Variants in RFX4 observed in about 807,000 individuals in gnomAD.
RFX4 encodes the protein transcription factor RFX4.
RFX4 carries 10 observed loss-of-function variants against 95.0 expected under a neutral mutation model. The observed-to-expected ratio is 0.11, with a 90% confidence interval of 0.06 to 0.18. The LOEUF is 0.18. Ranked by LOEUF, RFX4 falls within the 10% of genes least tolerant of loss-of-function variation. The pLI is 1.00. For missense variants in RFX4, 640 were observed against 922.0 expected (o/e 0.69, Z 3.96); for synonymous variants, 321 against 340.7 (o/e 0.94, Z 0.64).
intron 2 of RFX4, among the ~76,000 whole-genome samples, chr12:106,622,080 A>G (rs1301811788): frequency 2.0e-5 from 3 of 152,220 alleles, no homozygotes; most frequent in African/African-American, 7.2e-5. Context: ...GACCTAGAGA[A>G]GTGAAGTGGC....
chr12:106,664,976 T>C (rs555429033), intron 4 of RFX4, among the ~76,000 whole-genome samples: 61 of 152,012 alleles, frequency 4.0e-4, no homozygotes, highest in African/African-American at 1.3e-3. Flanking sequence ...TGAGAATATA[T>C]ATTCTGCTAT....
intron 15 of RFX4, 96 bp downstream of exon 15, chr12:106,733,181 A>C (rs1034066139): frequency 1.5e-6 from 2 of 1,364,132 alleles, no homozygotes; most frequent in African/African-American, 2.9e-5. Context: ...ATTTCCACAC[A>C]CACAAAAAGC....
At chr12:106,743,178 GA>G (rs2042835996) in intron 15 of RFX4, among the ~76,000 whole-genome samples, 1 of 152,174 alleles carries the variant, frequency 6.6e-6, no homozygotes, top group Admixed American at 6.5e-5. Context: ...GAAATGTGAG[GA>G]GGGGAGGGGG....
At chr12:106,756,267 C>G (rs2043106457) in intron 17 of RFX4, among the ~76,000 whole-genome samples, 1 of 152,202 alleles carries the variant, frequency 6.6e-6, no homozygotes, top group South Asian at 2.1e-4. Context: ...ATAAACCAGA[C>G]CAAGTACATA....
At chr12:106,686,154 T>C (rs374929502) in intron 5 of RFX4, among the ~76,000 whole-genome samples, 24 of 152,188 alleles carry the variant, frequency 1.6e-4, no homozygotes, top group African/African-American at 5.8e-4. Flanking sequence ...GGCTCATGCC[T>C]GTAATCCCAG....
At position 106,640,281 on chromosome 12, in the gene RFX4, CTT is replaced by C. The variant is rs1352390662; in HGVS notation, c.191+891_191+892del. Among the ~76,000 whole-genome samples the C allele has an allele frequency of 2.6e-5, 4 of 152,292 alleles. No homozygotes were observed. The East Asian group carries it at 7.7e-4, about 29-fold the overall frequency. On this transcript the variant is annotated intron_variant, in intron 3 of 17. Coordinates refer to ENST00000392842, the MANE Select transcript of RFX4 (RefSeq NM_213594.3). ...GCAGAGGCAGGAAGTGGCTGGGTCT[CTT>C]TAACTGCAAAGCTCATGCTTGCGAA...
chr12:106,759,275 GA>G (rs1424180533), intron 17 of RFX4, among the ~76,000 whole-genome samples: 1 of 152,146 alleles, frequency 6.6e-6, no homozygotes, highest in Non-Finnish European at 1.5e-5. Flanking sequence ...TAGGTACAAG[GA>G]ACACAGGTAG....
At chr12:106,754,435 A>G (rs1214156085) in intron 17 of RFX4, among the ~76,000 whole-genome samples, 1 of 152,238 alleles carries the variant, frequency 6.6e-6, no homozygotes, top group Non-Finnish European at 1.5e-5. Flanking sequence ...CTGGGAGTAC[A>G]GTGAGAAGGA....
intron 11 of RFX4, among the ~76,000 whole-genome samples, chr12:106,716,593 T>C (rs1292697321): frequency 6.6e-6 from 1 of 152,152 alleles, no homozygotes; most frequent in Non-Finnish European, 1.5e-5. Flanking sequence ...TGTTTGAACA[T>C]GTGGACCTTC....
intron 5 of RFX4, chr12:106,683,622 C>T (rs1353476214): frequency 1.3e-5 from 2 of 151,980 alleles, no homozygotes; most frequent in East Asian, 3.9e-4. Context: ...GTAGGCAATT[C>T]AAAATGTTGG....
chr12:106,712,024 T>C lies in RFX4; in HGVS notation c.993+513T>C, dbSNP rs1023692439. On this transcript the variant is annotated intron_variant, in intron 10 of 17. Transcript: ENST00000392842. ...TCCATGCCCCTATCAACTCTGTAGTTATAGCTTGATGGCATATAACTACAT... is the reference window on the plus strand; with the variant it reads ...TCCATGCCCCTATCAACTCTGTAGTCATAGCTTGATGGCATATAACTACAT... 3.3e-5 allele frequency among the ~76,000 whole-genome samples: 5 copies of C among 152,254 alleles called. No individual in the cohort carries two copies. The South Asian group carries it at 1.0e-3, about 32-fold the overall frequency.
chr12:106,686,053 C>T (rs1277961096), intron 5 of RFX4, among the ~76,000 whole-genome samples: 4 of 152,228 alleles, frequency 2.6e-5, no homozygotes, highest in Non-Finnish European at 5.9e-5. Flanking sequence ...TCAGTGTCAA[C>T]TGAAGCACTG....
intron 11 of RFX4, among the ~76,000 whole-genome samples, chr12:106,716,324 G>C (rs868300150): frequency 9.9e-5 from 15 of 151,958 alleles, no homozygotes; most frequent in Admixed American, 5.9e-4. Flanking sequence ...TTCTCAATGG[G>C]GTGAGGCCCA....
intron 11 of RFX4, among the ~76,000 whole-genome samples, chr12:106,717,576 A>G (rs1285620285): frequency 2.0e-5 from 3 of 152,224 alleles, no homozygotes; most frequent in Admixed American, 1.3e-4. Context: ...AGTTCAACCC[A>G]GCTAGTCCTT....
intron 4 of RFX4, among the ~76,000 whole-genome samples, chr12:106,670,914 C>A (rs1214824552): frequency 2.0e-5 from 3 of 152,114 alleles, no homozygotes; most frequent in Admixed American, 6.5e-5. Context: ...TCCCTTTAAC[C>A]AACTTCTTTC....
At chr12:106,647,991 T>C (rs980298521) in intron 3 of RFX4, among the ~76,000 whole-genome samples, 1 of 152,300 alleles carries the variant, frequency 6.6e-6, no homozygotes, top group African/African-American at 2.4e-5. Context: ...ATTTGAGCCA[T>C]AAGCTATGAG....
chr12:106,591,548 G>C (rs1377167713), intron 1 of RFX4, among the ~76,000 whole-genome samples: 1 of 152,166 alleles, frequency 6.6e-6, no homozygotes, highest in African/African-American at 2.4e-5. Context: ...TTACAGGCGT[G>C]AGCCATCGCG....
At position 106,589,180 on chromosome 12, in the gene RFX4, T is replaced by A. The variant is rs149733856; in HGVS notation, c.43+5817T>A. ...ATTAAGGTTTAGGGGAGAGAGAGAA[T>A]GAACTTGAAGAGTTTATTTGGAGGT... On this transcript the variant is annotated intron_variant, in intron 1 of 17. Transcript: ENST00000392842. Among the ~76,000 whole-genome samples the A allele has an allele frequency of 1.3e-4, 20 of 152,250 alleles. No individual in the cohort carries two copies. In the East Asian group the frequency reaches 3.7e-3, roughly 28 times the overall value.
chr12:106,586,364 A>G lies in RFX4; in HGVS notation c.43+3001A>G, dbSNP rs951222366. 1.3e-5 allele frequency among the ~76,000 whole-genome samples: 2 copies of G among 152,064 alleles called. No homozygotes were observed. Among genetic ancestry groups the G allele is most frequent in the African/African-American group, 4.8e-5 (2 of 41,424 alleles). ...CTACGTGTTTGTGGCCGCCGGGTCC[A>G]ATCAGGGCTGCTCTGCCCGGGTGAT... On this transcript the variant is annotated intron_variant, in intron 1 of 17. Transcript: ENST00000392842. The surrounding 1 kb of genome is among the most constrained non-coding windows in gnomAD (Gnocchi z 5.6).
Sources: allele counts gnomAD v4.1 joint callset (sites outside exome capture counted in the v4.1 genomes callset), GRCh38; gene constraint gnomAD v4.1.1; non-coding constraint Gnocchi (gnomAD v3.1); transcripts MANE v1.5; gene names NCBI Gene and HGNC (gene_info 2026-07-23, HGNC 2026-07-21).